ZC3H7A: variants seen among roughly 807,000 people sequenced by gnomAD.
ZC3H7A encodes zinc finger CCCH domain-containing protein 7A.
In ZC3H7A, 44 loss-of-function variants were observed where a neutral mutation model predicts 125.5. The ratio of observed to expected loss-of-function variants is 0.35; its 90% confidence interval spans 0.28 to 0.45. The LOEUF is 0.45. ZC3H7A is among the 20% of genes least tolerant of loss of function. The pLI is 1.00. For missense variants in ZC3H7A, 977 were observed against 1,170.7 expected (o/e 0.83, Z 2.41); for synonymous variants, 399 against 391.2 (o/e 1.02, Z -0.23).
intron 1 of ZC3H7A, among the ~76,000 whole-genome samples, chr16:11,783,228 C>A (rs1329211165): frequency 6.6e-6 from 1 of 152,124 alleles, no homozygotes; most frequent in African/African-American, 2.4e-5. Flanking sequence ...ATTGTTGATA[C>A]AACAGATAAA....
intron 1 of ZC3H7A, among the ~76,000 whole-genome samples, chr16:11,784,508 T>C (rs957384536): frequency 2.6e-5 from 4 of 151,696 alleles, no homozygotes; most frequent in Non-Finnish European, 5.9e-5. Flanking sequence ...CACTTGAGCC[T>C]AGGAGTTCAA....
intron 18 of ZC3H7A, 68 bp from the exon 19 acceptor site, chr16:11,761,579 C>A (rs1341082656): frequency 6.5e-6 from 10 of 1,528,848 alleles, no homozygotes; most frequent in Non-Finnish European, 8.1e-6. Flanking sequence ...AAGGGAGAGG[C>A]ACAAAGTTTG....
At chr16:11,766,394 T>C (rs746088250) in intron 13 of ZC3H7A, among the ~76,000 whole-genome samples, 12 of 151,458 alleles carry the variant, frequency 7.9e-5, no homozygotes, top group Admixed American at 5.9e-4. Context: ...AAGAAACCCA[T>C]CTCTACTAAA....
At chr16:11,789,495 C>T (rs971866544) in intron 1 of ZC3H7A, among the ~76,000 whole-genome samples, 4 of 152,056 alleles carry the variant, frequency 2.6e-5, no homozygotes, top group East Asian at 1.9e-4. Flanking sequence ...CTCAGGTGAT[C>T]GGCCTGCCTT....
chr16:11,794,858 A>C (rs1049887720), intron 1 of ZC3H7A, among the ~76,000 whole-genome samples: 3 of 152,228 alleles, frequency 2.0e-5, no homozygotes, highest in African/African-American at 7.2e-5. Context: ...CACCATTCTT[A>C]TTTGCAAAAA....
At chr16:11,795,415 C>T (rs537538847) in intron 1 of ZC3H7A, among the ~76,000 whole-genome samples, 14 of 151,920 alleles carry the variant, frequency 9.2e-5, no homozygotes, top group African/African-American at 3.4e-4. Context: ...ATAAGCCATA[C>T]GTGTCATTGT....
chr16:11,780,527 G>C (rs2053158352), intron 3 of ZC3H7A, among the ~76,000 whole-genome samples: 1 of 152,054 alleles, frequency 6.6e-6, no homozygotes, highest in South Asian at 2.1e-4. Context: ...AATTATTTTA[G>C]CTGATTAAAT....
intron 1 of ZC3H7A, 38 bp downstream of exon 1, chr16:11,797,086 C>G (rs2053453725): frequency 7.2e-6 from 1 of 138,882 alleles, no homozygotes; most frequent in African/African-American, 3.0e-5. Context: ...CGGGCGCGCG[C>G]GTTTCCTTCA....
chr16:11,765,372 T>A lies in ZC3H7A; in HGVS notation c.1719+117A>T. ...TTCATAAATATGATATTATTTATCATATAAATAAATGAATATTTATTCATT... is the reference window on the plus strand; with the variant it reads ...TTCATAAATATGATATTATTTATCAAATAAATAAATGAATATTTATTCATT... On this transcript the variant is annotated intron_variant, in intron 14 of 22. Transcript: ENST00000355758. The surrounding 1 kb of genome is among the most constrained non-coding windows in gnomAD (Gnocchi z 4.8). 1 of 675,530 alleles carries A rather than the reference T, an allele frequency of 1.5e-6. No individual in the cohort carries two copies. The highest frequency in any genetic ancestry group is 2.3e-6 in the Non-Finnish European group (1 of 439,472). 41.8% of individuals were successfully genotyped at this position (675,530 alleles called of 1,614,324 possible).
chr16:11,774,870 A>G, intron 8 of ZC3H7A, 110 bp downstream of exon 8: 1 of 1,259,922 alleles, frequency 7.9e-7, no homozygotes, highest in South Asian at 1.3e-5. Flanking sequence ...TTAATACATT[A>G]ATATGAATAT....
chr16:11,751,907 T>C (rs1309035384), intron 22 of ZC3H7A, among the ~76,000 whole-genome samples: 1 of 150,490 alleles, frequency 6.6e-6, no homozygotes, highest in East Asian at 1.9e-4. Flanking sequence ...AAAAACCTTT[T>C]TTTTTTTTTT....
chr16:11,789,383 T>C (rs1366329431), intron 1 of ZC3H7A, among the ~76,000 whole-genome samples: 1 of 151,996 alleles, frequency 6.6e-6, no homozygotes, highest in African/African-American at 2.4e-5. Flanking sequence ...GCCTCCCAAG[T>C]AGCTGGGATT....
intron 20 of ZC3H7A, 21 bp from the exon 21 acceptor site, chr16:11,756,391 T>G: frequency 6.2e-7 from 1 of 1,607,004 alleles, no homozygotes; most frequent in African/African-American, 1.3e-5. Context: ...ATGAATTACT[T>G]TCAGCAGCAG....
At chr16:11,756,412 C>T in intron 20 of ZC3H7A, 42 bp from the exon 21 acceptor site, 3 of 1,599,052 alleles carry the variant, frequency 1.9e-6, no homozygotes, top group Non-Finnish European at 2.6e-6. Context: ...CAACTAAACT[C>T]CATTTAAATA....
At chr16:11,766,931 A>G (rs540410760) in intron 13 of ZC3H7A, among the ~76,000 whole-genome samples, 1 of 152,316 alleles carries the variant, frequency 6.6e-6, no homozygotes, top group African/African-American at 2.4e-5. Flanking sequence ...AAAAAATATT[A>G]ACATCTCAAT....
intron 10 of ZC3H7A, among the ~76,000 whole-genome samples, chr16:11,769,422 T>A (rs957398441): frequency 2.6e-5 from 4 of 152,058 alleles, no homozygotes; most frequent in African/African-American, 4.8e-5. Context: ...TTTGAAAATA[T>A]GGGGCCAGGT....
chr16:11,789,122 A>T (rs2053308288), intron 1 of ZC3H7A, among the ~76,000 whole-genome samples: 1 of 152,320 alleles, frequency 6.6e-6, no homozygotes, highest in Middle Eastern at 3.4e-3. Flanking sequence ...TGGTTGTGAC[A>T]GTGTGCTACA....
Position 11,765,068 on chromosome 16 carries a change from T to A in ZC3H7A, c.1805A>T (p.Glu602Val). Residue 602 changes from glutamate to valine, a missense_variant, in exon 15 of 23, where the codon GAG (glutamate) becomes GTG (valine). Physicochemically the swap from Glu to Val is moderately radical, Grantham distance 121 (BLOSUM62 -2). Transcript: ENST00000355758. This position sits in a 1 kb window ranked among gnomAD's most constrained non-coding sequence, Gnocchi z 4.8. ...ATCAACATACTTATTGTCTTCAAACTCATGCTTTGTAACCGGGTGAGAACA... is the reference window on the plus strand; with the variant it reads ...ATCAACATACTTATTGTCTTCAAACACATGCTTTGTAACCGGGTGAGAACA... ...TACSHPVTKH[E>V]FEDNKCLVHI... 6.3e-7 allele frequency: 1 copy of A among 1,578,992 alleles called. No homozygotes were observed. The highest frequency in any genetic ancestry group is 8.6e-7 in the Non-Finnish European group (1 of 1,162,962).
intron 4 of ZC3H7A, among the ~76,000 whole-genome samples, chr16:11,777,591 G>A (rs1196290921): frequency 2.7e-5 from 4 of 150,646 alleles, no homozygotes; most frequent in Admixed American, 6.6e-5. Flanking sequence ...GCGTGGTGGC[G>A]GGTGCCTATA....
Sources: allele counts gnomAD v4.1 joint callset (sites outside exome capture counted in the v4.1 genomes callset), GRCh38; gene constraint gnomAD v4.1.1; non-coding constraint Gnocchi (gnomAD v3.1); transcripts MANE v1.5; gene names NCBI Gene and HGNC (gene_info 2026-07-23, HGNC 2026-07-21).